Variants in SLC6A17 observed in about 807,000 individuals in gnomAD.
The protein encoded by SLC6A17 is solute carrier family 6 member 17.
In SLC6A17, 21 loss-of-function variants were observed where a neutral mutation model predicts 64.5. The observed-to-expected ratio is 0.33, with a 90% confidence interval of 0.23 to 0.47. The LOEUF is 0.47. Among genes scored for constraint, SLC6A17 ranks in the 20% least tolerant of loss-of-function variants. SLC6A17 has a pLI of 1.00. For missense variants in SLC6A17, 682 were observed against 963.2 expected (o/e 0.71, Z 3.86); for synonymous variants, 372 against 399.5 (o/e 0.93, Z 0.82).
chr1:110,168,762 C>A (rs773103493), intron 2 of SLC6A17, among the ~76,000 whole-genome samples: 1 of 152,224 alleles, frequency 6.6e-6, no homozygotes, highest in Non-Finnish European at 1.5e-5. Context: ...TCTGCCTGGG[C>A]ACTTGGTGAT....
At chr1:110,157,773 G>A (rs1297996513) in intron 1 of SLC6A17, among the ~76,000 whole-genome samples, 1 of 151,804 alleles carries the variant, frequency 6.6e-6, no homozygotes, top group Admixed American at 6.6e-5. Flanking sequence ...CATTGTTCAG[G>A]GTGCTCTAGG....
chr1:110,198,273 T>C lies in SLC6A17; in HGVS notation c.2013T>C (p.Asp671=), dbSNP rs201500575. ...ACATCTCCAACCTGGAGGAGAACGA[T>C]GAGACCCGCTTCATCCTCAGCAAGG... The part of the protein sequence containing the change: ...MKDISNLEEN[D]ETRFILSKVP... Residue 671 remains aspartate (D), a synonymous_variant, in exon 12 of 12, where the codon GAT becomes GAC. Coordinates refer to ENST00000331565, the MANE Select transcript of SLC6A17 (RefSeq NM_001010898.4). 1.1e-4 allele frequency: 180 copies of C among 1,613,998 alleles called. No homozygotes were observed. The highest frequency in any genetic ancestry group is 2.7e-5 in the African/African-American group (2 of 74,924).
At chr1:110,159,690 G>A (rs1304975110) in intron 1 of SLC6A17, among the ~76,000 whole-genome samples, 2 of 152,318 alleles carry the variant, frequency 1.3e-5, no homozygotes, top group African/African-American at 4.8e-5. Flanking sequence ...TCTTTTGAAA[G>A]TGGCCAAAAG....
At chr1:110,179,208 G>A (rs1656448383) in intron 6 of SLC6A17, among the ~76,000 whole-genome samples, 2 of 152,196 alleles carry the variant, frequency 1.3e-5, no homozygotes, top group Admixed American at 1.3e-4. Context: ...GTTGTTTCCA[G>A]TTTTCACCAT....
intron 1 of SLC6A17, among the ~76,000 whole-genome samples, chr1:110,165,012 G>A (rs548487567): frequency 6.6e-6 from 1 of 152,178 alleles, no homozygotes; most frequent in East Asian, 1.9e-4. Context: ...TCTAGTGATT[G>A]CAGGCTCCAG....
At chr1:110,164,079 A>G (rs773316687) in intron 1 of SLC6A17, among the ~76,000 whole-genome samples, 7 of 152,086 alleles carry the variant, frequency 4.6e-5, no homozygotes, top group Non-Finnish European at 7.4e-5. Flanking sequence ...ATGAAATGCA[A>G]ACTCCACAAG....
Position 110,198,724 on chromosome 1 carries a change from A to G in SLC6A17, c.*280A>G. Reference sequence around the variant, plus strand: ...TAGCCATGTAATTGGAACAACCCATAAGGCCTGCTTCCCAGTCCATGGGAG... The same window carrying G: ...TAGCCATGTAATTGGAACAACCCATGAGGCCTGCTTCCCAGTCCATGGGAG... On this transcript the variant is annotated 3_prime_UTR_variant, in exon 12 of 12. Transcript: ENST00000331565. 1 of 409,390 alleles carries G rather than the reference A, an allele frequency of 2.4e-6. No homozygotes were observed. Among genetic ancestry groups the G allele is most frequent in the Non-Finnish European group, 4.3e-6 (1 of 231,512 alleles). 25.4% of individuals were successfully genotyped at this position (409,390 alleles called of 1,614,324 possible).
chr1:110,197,749 C>A, intron 11 of SLC6A17, 150 bp downstream of exon 11: 1 of 968,986 alleles, frequency 1.0e-6, no homozygotes, highest in Non-Finnish European at 1.5e-6. Flanking sequence ...TACAACAAGC[C>A]AAAGACAGAG....
rs1230292287 is a variant in SLC6A17, at chr1:110,201,109, C to G, written c.*2665C>G. Reference sequence around the variant, plus strand: ...CTTCTTGCTGTTCCCAGTAGAATCGCTAGCTCTTCTCCAGAGGAAAAGTAC... The same window carrying G: ...CTTCTTGCTGTTCCCAGTAGAATCGGTAGCTCTTCTCCAGAGGAAAAGTAC... On this transcript the variant is annotated 3_prime_UTR_variant, in exon 12 of 12. Transcript: ENST00000331565. The G allele has an allele frequency of 6.6e-6, 1 of 152,192 alleles. No homozygotes were observed. The highest frequency in any genetic ancestry group is 1.5e-5 in the Non-Finnish European group (1 of 68,032). The allele number at this position is 152,192 out of a possible 1,614,324, so 9.4% of individuals were successfully genotyped here.
In SLC6A17 at chr1:110,195,620, G is replaced by A; in HGVS notation, c.1527G>A (p.Leu509=). ...GTGTCTTTGCATTCCTCGTGGGGCT[G>A]TTGTTCGTCCAGCGCTCCGGAAACT... The part of the protein sequence containing the change: ...GCCVFAFLVG[L]LFVQRSGNYF... Residue 509 remains leucine (L), a synonymous_variant, in exon 10 of 12, where the codon CTG becomes CTA. Coordinates refer to ENST00000331565, the MANE Select transcript of SLC6A17 (RefSeq NM_001010898.4). 1 of 1,614,254 alleles carries A rather than the reference G, an allele frequency of 6.2e-7. No individual in the cohort carries two copies. Among genetic ancestry groups the A allele is most frequent in the Non-Finnish European group, 8.5e-7 (1 of 1,180,046 alleles).
At chr1:110,185,477 G>A (rs1656658968) in intron 6 of SLC6A17, among the ~76,000 whole-genome samples, 1 of 152,248 alleles carries the variant, frequency 6.6e-6, no homozygotes, top group Non-Finnish European at 1.5e-5. Context: ...GCAGCTGCTT[G>A]TGGGCTCAAA....
rs933367148 is a variant in SLC6A17 at position 110,191,856 on chromosome 1, C to A, written c.865-116C>A. Reference sequence around the variant, plus strand: ...TTGCCCAAGTTCACACAGCTTCTTACCACTATGGGCTGCTGCCTCTGAACT... The same window carrying A: ...TTGCCCAAGTTCACACAGCTTCTTAACACTATGGGCTGCTGCCTCTGAACT... On this transcript the variant is annotated intron_variant, in intron 6 of 11. Transcript: ENST00000331565. 3.3e-6 allele frequency: 5 copies of A among 1,492,662 alleles called. No homozygotes were observed. The East Asian group carries it at 1.1e-4, about 34-fold the overall frequency. The allele number at this position is 1,492,662 out of a possible 1,614,324, so 92.5% of individuals were successfully genotyped here. A position where few individuals can be genotyped will look rare whatever the true frequency, so the allele number is the denominator to read the frequency against.
intron 6 of SLC6A17, among the ~76,000 whole-genome samples, chr1:110,180,474 C>T (rs895906456): frequency 6.6e-6 from 1 of 152,178 alleles, no homozygotes; most frequent in Non-Finnish European, 1.5e-5. Context: ...CTCTGGGGGG[C>T]TCCATCCAAG....
At chr1:110,152,020 C>T (rs918725019) in intron 1 of SLC6A17, among the ~76,000 whole-genome samples, 2 of 152,158 alleles carry the variant, frequency 1.3e-5, no homozygotes, top group African/African-American at 2.4e-5. Context: ...TCGGCCAAAA[C>T]TTTAGTTAGC....
At chr1:110,184,673 G>A (rs959658768) in intron 6 of SLC6A17, among the ~76,000 whole-genome samples, 6 of 152,162 alleles carry the variant, frequency 3.9e-5, no homozygotes, top group African/African-American at 7.2e-5. Flanking sequence ...AGGAAGTGCC[G>A]AGGCTGGGAG....
chr1:110,196,454 C>T (rs1232312839), intron 10 of SLC6A17, among the ~76,000 whole-genome samples: 3 of 152,054 alleles, frequency 2.0e-5, no homozygotes, highest in Non-Finnish European at 4.4e-5. Flanking sequence ...CGTCTGCTTC[C>T]TAGGAGAGCA....
At chr1:110,156,303 T>G (rs1655758888) in intron 1 of SLC6A17, among the ~76,000 whole-genome samples, 1 of 152,304 alleles carries the variant, frequency 6.6e-6, no homozygotes, top group Non-Finnish European at 1.5e-5. Flanking sequence ...ACTTCCTGAA[T>G]GTATCATTTT....
chr1:110,173,155 A>T (rs1186469439), intron 3 of SLC6A17, among the ~76,000 whole-genome samples: 2 of 152,250 alleles, frequency 1.3e-5, no homozygotes, highest in Non-Finnish European at 2.9e-5. Context: ...GAACCCAAGT[A>T]AAAGAAGTGG....
intron 1 of SLC6A17, among the ~76,000 whole-genome samples, chr1:110,159,827 G>A (rs1457969969): frequency 5.3e-5 from 8 of 152,122 alleles, no homozygotes; most frequent in South Asian, 4.2e-4. Flanking sequence ...ACTAGAAGTT[G>A]GAAAAACACA....
Sources: gnomAD v4.1 joint callset for allele counts (sites outside exome capture counted in the v4.1 genomes callset) on GRCh38, gnomAD v4.1.1 for gene constraint, MANE v1.5 for transcripts, NCBI Gene and HGNC (gene_info 2026-07-23, HGNC 2026-07-21) for gene names.